The following ANTXR2 variants were observed in gnomAD, a reference collection of about 807,000 sequenced individuals.
The protein encoded by ANTXR2 is ANTXR cell adhesion molecule 2.
Under a neutral mutation model 73.7 loss-of-function variants are expected in ANTXR2, and 44 were observed. That is an observed-to-expected ratio of 0.60 (90% CI 0.47 to 0.77). The LOEUF (loss-of-function observed/expected upper bound fraction) is 0.77. Ranked by LOEUF, ANTXR2 falls within the 30% of genes least tolerant of loss-of-function variation. ANTXR2 has a pLI of 0.00. For missense variants in ANTXR2, 604 were observed against 592.5 expected (o/e 1.02, Z -0.20); for synonymous variants, 217 against 205.9 (o/e 1.05, Z -0.46).
rs1726942071 is a variant in ANTXR2 at position 79,907,063 on chromosome 4, T to C, written c.*366A>G. 3.8e-6 allele frequency: 1 copy of C among 263,496 alleles called. No homozygotes were observed. The highest frequency in any genetic ancestry group is 2.3e-5 in the African/African-American group (1 of 43,576). 16.3% of individuals were successfully genotyped at this position (263,496 alleles called of 1,614,324 possible). A position where few individuals can be genotyped will look rare whatever the true frequency, so the allele number is the denominator to read the frequency against. On this transcript the variant is annotated 3_prime_UTR_variant, in exon 17 of 17. Coordinates refer to ENST00000403729, the MANE Select transcript of ANTXR2 (RefSeq NM_058172.6). ...TCCTGTCTCCCATCATGGCTAGTTG[T>C]TTTGTGGTCCTTGTTTTGGTATCAT...
chr4:80,065,666 G>A (rs992123730), intron 3 of ANTXR2, among the ~76,000 whole-genome samples: 20 of 152,120 alleles, frequency 1.3e-4, no homozygotes, highest in Admixed American at 4.6e-4. Flanking sequence ...ACATAGTACC[G>A]GATGCCATGC....
intron 14 of ANTXR2, among the ~76,000 whole-genome samples, chr4:79,978,554 G>A (rs1048073541): frequency 6.6e-6 from 1 of 152,172 alleles, no homozygotes; most frequent in Non-Finnish European, 1.5e-5. Flanking sequence ...ATGTAGTGAT[G>A]ACACTGGAAG....
At chr4:79,979,430 A>G (rs1729789779) in intron 14 of ANTXR2, among the ~76,000 whole-genome samples, 1 of 152,316 alleles carries the variant, frequency 6.6e-6, no homozygotes, top group Non-Finnish European at 1.5e-5. Context: ...AAGACTTCCT[A>G]AAGCATTTTA....
At chr4:79,960,446 G>C (rs1359721775) in intron 16 of ANTXR2, among the ~76,000 whole-genome samples, 1 of 152,044 alleles carries the variant, frequency 6.6e-6, no homozygotes, top group African/African-American at 2.4e-5. Flanking sequence ...ATGTATATCA[G>C]AGAATAAAAT....
At chr4:80,072,108 G>A (rs1560436174) in intron 1 of ANTXR2, among the ~76,000 whole-genome samples, 2 of 152,082 alleles carry the variant, frequency 1.3e-5, no homozygotes, top group Non-Finnish European at 2.9e-5. Flanking sequence ...GGCCGATGGA[G>A]CGTGGCCCGC....
At position 79,902,115 on chromosome 4, in the gene ANTXR2, T is replaced by C. The variant is rs1239998470; in HGVS notation, c.*5314A>G. On this transcript the variant is annotated 3_prime_UTR_variant, in exon 17 of 17. Transcript: ENST00000403729. ...ACTTAAATGTACATTTTAATAACTT[T>C]AACAATTTATTTTGGATCACCCACT... The C allele has an allele frequency of 2.0e-5, 3 of 152,132 alleles. No individual in the cohort carries two copies. The highest frequency in any genetic ancestry group is 7.2e-5 in the African/African-American group (3 of 41,438). 9.4% of individuals were successfully genotyped at this position (152,132 alleles called of 1,614,324 possible).
chr4:79,926,338 A>G (rs1427292321), intron 16 of ANTXR2, among the ~76,000 whole-genome samples: 1 of 152,132 alleles, frequency 6.6e-6, no homozygotes, highest in Admixed American at 6.6e-5. Flanking sequence ...TGAGATAGGA[A>G]TGTGCCTATG....
intron 16 of ANTXR2, among the ~76,000 whole-genome samples, chr4:79,958,027 T>C (rs893320327): frequency 2.0e-5 from 3 of 152,094 alleles, no homozygotes; most frequent in Non-Finnish European, 4.4e-5. Flanking sequence ...CTGCAAATTA[T>C]TAATTAAAAT....
rs1422003416 is a variant in ANTXR2, at chr4:79,993,756, A to ACGCGCGCGCG, written c.1042-8894_1042-8893insCGCGCGCGCG. Reference sequence around the variant, plus strand: ...GTCTGGCAATACACCACACACACACACACGCACACACACACACACACACAC... The same window carrying ACGCGCGCGCG: ...GTCTGGCAATACACCACACACACACACGCGCGCGCGCACGCACACACACACACACACACAC... On this transcript the variant is annotated intron_variant, in intron 12 of 16. Coordinates refer to ENST00000403729, the MANE Select transcript of ANTXR2 (RefSeq NM_058172.6). Among the ~76,000 whole-genome samples the ACGCGCGCGCG allele has an allele frequency of 2.4e-5, 3 of 123,274 alleles. No homozygotes were observed. In the South Asian group the frequency reaches 8.7e-4, roughly 36 times the overall value. 80.9% of individuals were successfully genotyped at this position (123,274 alleles called of 152,430 possible). A position where few individuals can be genotyped will look rare whatever the true frequency, so the allele number is the denominator to read the frequency against.
At chr4:80,013,593 C>T (rs752658339) in intron 11 of ANTXR2, among the ~76,000 whole-genome samples, 1 of 152,250 alleles carries the variant, frequency 6.6e-6, no homozygotes, top group Non-Finnish European at 1.5e-5. Flanking sequence ...TGAGCAATAT[C>T]GCTAACTGCA....
chr4:79,908,311 G>GT (rs1726998680), intron 16 of ANTXR2, among the ~76,000 whole-genome samples: 1 of 152,068 alleles, frequency 6.6e-6, no homozygotes, highest in South Asian at 2.1e-4. Context: ...TGACATTTCT[G>GT]TATTTCTTAC....
intron 7 of ANTXR2, among the ~76,000 whole-genome samples, chr4:80,040,690 C>T (rs761389791): frequency 5.5e-4 from 83 of 151,916 alleles, no homozygotes; most frequent in African/African-American, 1.8e-3. Context: ...GTCATGCACA[C>T]ACTAAATGCA....
At chr4:80,041,626 C>T (rs1225593690) in intron 7 of ANTXR2, among the ~76,000 whole-genome samples, 1 of 151,984 alleles carries the variant, frequency 6.6e-6, no homozygotes, top group Non-Finnish European at 1.5e-5. Flanking sequence ...CTCCCCACCC[C>T]ACCCTCAACA....
At chr4:80,056,523 T>G (rs1734002120) in intron 3 of ANTXR2, among the ~76,000 whole-genome samples, 1 of 151,918 alleles carries the variant, frequency 6.6e-6, no homozygotes, top group Non-Finnish European at 1.5e-5. Context: ...GTAAGTCTCA[T>G]GATTTATTCA....
intron 3 of ANTXR2, 104 bp downstream of exon 3, chr4:80,069,332 T>C: frequency 2.3e-6 from 2 of 873,806 alleles, no homozygotes; most frequent in South Asian, 3.1e-5. Context: ...TCTGTGCATC[T>C]GCTTGATTCC....
At chr4:80,045,155 G>A (rs986497617) in intron 7 of ANTXR2, among the ~76,000 whole-genome samples, 4 of 151,594 alleles carry the variant, frequency 2.6e-5, no homozygotes, top group Non-Finnish European at 5.9e-5. Context: ...ACAACATGAA[G>A]AGAAACAAAC....
chr4:79,986,533 A>T (rs1302906836), intron 12 of ANTXR2, among the ~76,000 whole-genome samples: 4 of 152,144 alleles, frequency 2.6e-5, no homozygotes, highest in Non-Finnish European at 2.9e-5. Flanking sequence ...GGGCGTTGGG[A>T]CTTGGATATG....
chr4:80,041,620 C>T (rs1733252874), intron 7 of ANTXR2, among the ~76,000 whole-genome samples: 1 of 151,980 alleles, frequency 6.6e-6, no homozygotes, highest in Non-Finnish European at 1.5e-5. Context: ...CTCTCTCTCC[C>T]CACCCCACCC....
At chr4:79,958,809 A>G (rs775597266) in intron 16 of ANTXR2, among the ~76,000 whole-genome samples, 4 of 152,148 alleles carry the variant, frequency 2.6e-5, no homozygotes, top group African/African-American at 9.7e-5. Flanking sequence ...ACTGAATTAA[A>G]TTCTCTTCTC....
Sources: allele counts gnomAD v4.1 joint callset (sites outside exome capture counted in the v4.1 genomes callset), GRCh38; gene constraint gnomAD v4.1.1; transcripts MANE v1.5; gene names NCBI Gene and HGNC (gene_info 2026-07-23, HGNC 2026-07-21).